Variants in BMP6 observed in about 807,000 individuals in gnomAD.
BMP6 encodes VG-1-R.
Under a neutral mutation model 54.1 loss-of-function variants are expected in BMP6, and 17 were observed. The ratio of observed to expected loss-of-function variants is 0.31; its 90% confidence interval spans 0.22 to 0.47. The LOEUF (loss-of-function observed/expected upper bound fraction) is 0.47. Among genes scored for constraint, BMP6 ranks in the 20% least tolerant of loss-of-function variants. BMP6 has a pLI of 1.00. For missense variants in BMP6, 720 were observed against 690.4 expected, an observed-to-expected ratio of 1.04 and a Z score of -0.48; for synonymous variants, 328 against 291.2, an observed-to-expected ratio of 1.13 and a Z score of -1.28.
rs374787856 is a variant in BMP6, at chr6:7,816,721, CTTTGT to C, written c.665-28414_665-28410del. ...TGATTAAAGTGCACAGCAGAGTATA[CTTTGT>C]TTTGGTAGTGATTGTTTTTTCTTCT... On this transcript the variant is annotated intron_variant, in intron 1 of 6. Transcript: ENST00000283147. 6.4e-3 allele frequency among the ~76,000 whole-genome samples: 973 copies of C among 152,116 alleles called. 5 individuals carry two copies. The highest frequency in any genetic ancestry group is 0.022 in the African/African-American group (919 of 41,494).
intron 1 of BMP6, among the ~76,000 whole-genome samples, chr6:7,728,402 C>T (rs368990575): frequency 3.3e-5 from 5 of 152,210 alleles, no homozygotes; most frequent in Non-Finnish European, 7.3e-5. Flanking sequence ...CGCTGAGCTC[C>T]TCTGAACCGG....
intron 2 of BMP6, among the ~76,000 whole-genome samples, chr6:7,848,829 GTGTTATAAATCAT>G (rs1183661406): frequency 1.3e-5 from 2 of 152,120 alleles, no homozygotes; most frequent in African/African-American, 4.8e-5. Context: ...TTAAAATTTG[GTGTTATAAATCAT>G]TGTGTCCTTG....
chr6:7,774,991 G>A (rs1387217749), intron 1 of BMP6, among the ~76,000 whole-genome samples: 2 of 152,192 alleles, frequency 1.3e-5, no homozygotes, highest in African/African-American at 4.8e-5. Flanking sequence ...CAGAGAGGAA[G>A]GGGGCTGAAC....
intron 1 of BMP6, among the ~76,000 whole-genome samples, chr6:7,777,962 C>T (rs1435096887): frequency 6.6e-6 from 1 of 152,102 alleles, no homozygotes; most frequent in East Asian, 1.9e-4. Flanking sequence ...GTTTTTCCCC[C>T]TTTCCCAAAA....
At chr6:7,814,242 T>G (rs997287757) in intron 1 of BMP6, among the ~76,000 whole-genome samples, 3 of 152,234 alleles carry the variant, frequency 2.0e-5, no homozygotes, top group African/African-American at 7.2e-5. Flanking sequence ...GTCAACTGAT[T>G]AGTAACCTTA....
rs546519552 is a variant in BMP6, at chr6:7,861,358, C to T, written c.858-93C>T. 153 of 1,494,606 alleles carry T rather than the reference C, an allele frequency of 1.0e-4. No homozygotes were observed. The African/African-American group carries it at 1.5e-3, about 15-fold the overall frequency. 92.6% of individuals were successfully genotyped at this position (1,494,606 alleles called of 1,614,324 possible). On this transcript the variant is annotated intron_variant, in intron 2 of 6. Coordinates refer to ENST00000283147, the MANE Select transcript of BMP6 (RefSeq NM_001718.6). ...CCTCACAGGTAGATGTGATCTGACT[C>T]GGGCATGTTTTATCCTGACGCTGAG...
intron 1 of BMP6, among the ~76,000 whole-genome samples, chr6:7,754,992 A>G (rs1003629158): frequency 6.6e-6 from 1 of 152,206 alleles, no homozygotes; most frequent in Non-Finnish European, 1.5e-5. Flanking sequence ...TGCTGGGATT[A>G]CAGGCGTGAG....
intron 1 of BMP6, among the ~76,000 whole-genome samples, chr6:7,759,188 A>G (rs1757569490): frequency 6.6e-6 from 1 of 151,880 alleles, no homozygotes; most frequent in South Asian, 2.1e-4. Flanking sequence ...TAAGTTCCTC[A>G]TTACCATATA....
chr6:7,764,076 G>A (rs1757650858), intron 1 of BMP6, among the ~76,000 whole-genome samples: 1 of 152,208 alleles, frequency 6.6e-6, no homozygotes, highest in East Asian at 1.9e-4. Flanking sequence ...GGGGAGAGTT[G>A]TTCCAGGGCT....
intron 1 of BMP6, among the ~76,000 whole-genome samples, chr6:7,751,521 T>C (rs1023279817): frequency 2.6e-5 from 4 of 152,206 alleles, no homozygotes; most frequent in South Asian, 2.1e-4. Flanking sequence ...TATTTCAGAG[T>C]ATATAATTGG....
chr6:7,861,527 G>A lies in BMP6; in HGVS notation c.934G>A (p.Ala312Thr), dbSNP rs771664465. ...AGGCTGGCTGGAATTTGACATCACG[G>A]CCACTAGCAATCTGTGGGTTGTGAC... ...EEGWLEFDIT[A>T]TSNLWVVTPQ... The change falls in exon 3 of 7, where the codon GCC (alanine) becomes ACC (threonine). Residue 312 changes from alanine (A) to threonine (T), a missense_variant. Around this residue, in one of 3 missense-constraint regions of BMP6, gnomAD observed 650 missense variants for 556.3 expected, o/e 1.17. Coordinates refer to ENST00000283147, the MANE Select transcript of BMP6 (RefSeq NM_001718.6). 1.9e-6 allele frequency: 3 copies of A among 1,614,074 alleles called. No individual in the cohort carries two copies. The highest frequency in any genetic ancestry group is 1.7e-6 in the Non-Finnish European group (2 of 1,180,036).
chr6:7,756,415 A>T (rs1262619787), intron 1 of BMP6, among the ~76,000 whole-genome samples: 1 of 152,052 alleles, frequency 6.6e-6, no homozygotes, highest in Non-Finnish European at 1.5e-5. Flanking sequence ...GCATATATTT[A>T]TGATTTATAA....
chr6:7,757,036 C>G (rs1306993177), intron 1 of BMP6, among the ~76,000 whole-genome samples: 1 of 152,164 alleles, frequency 6.6e-6, no homozygotes, highest in Non-Finnish European at 1.5e-5. Flanking sequence ...CTCTCTTTTC[C>G]AGTATTTAGC....
At chr6:7,735,821 G>T (rs1276260697) in intron 1 of BMP6, among the ~76,000 whole-genome samples, 3 of 152,200 alleles carry the variant, frequency 2.0e-5, no homozygotes, top group African/African-American at 7.2e-5. Context: ...TTGGACAAAT[G>T]TGTAATGATG....
intron 4 of BMP6, 89 bp from the exon 5 acceptor site, chr6:7,878,985 G>A: frequency 7.6e-7 from 1 of 1,318,200 alleles, no homozygotes; most frequent in East Asian, 2.3e-5. Context: ...CTAGCACAGA[G>A]CCTGGCATGT....
chr6:7,792,419 C>T (rs886958261), intron 1 of BMP6, among the ~76,000 whole-genome samples: 1 of 152,230 alleles, frequency 6.6e-6, no homozygotes, highest in Non-Finnish European at 1.5e-5. Flanking sequence ...TATTCCCACA[C>T]CACACATCTT....
Position 7,768,015 on chromosome 6 carries a change from C to T in BMP6, c.664+40396C>T, listed in dbSNP as rs574903972. 2.6e-5 allele frequency among the ~76,000 whole-genome samples: 4 copies of T among 152,026 alleles called. No individual in the cohort carries two copies. In the South Asian group the frequency reaches 8.3e-4, roughly 32 times the overall value. On this transcript the variant is annotated intron_variant, in intron 1 of 6. Transcript: ENST00000283147. The stretch of plus-strand genomic sequence containing the variant: ...TCAGTGGGTCTCAGGTTTTTTTCTC[C>T]CCGCTTGGGTGGGACAGGATGGCTG...
chr6:7,739,547 G>GT (rs1251390865), intron 1 of BMP6, among the ~76,000 whole-genome samples: 1 of 152,152 alleles, frequency 6.6e-6, no homozygotes, highest in Non-Finnish European at 1.5e-5. Flanking sequence ...TACTTTTACA[G>GT]TAAGAACTAG....
chr6:7,777,653 A>G lies in BMP6; in HGVS notation c.664+50034A>G, dbSNP rs1757880858. ...TTAAAACAAACACATAAACCAAATG[A>G]AGACCTCTATCTTTCCGGCATCACT... On this transcript the variant is annotated intron_variant, in intron 1 of 6. Coordinates refer to ENST00000283147, the MANE Select transcript of BMP6 (RefSeq NM_001718.6). Among the ~76,000 whole-genome samples, 4 of 151,304 alleles carry G rather than the reference A, an allele frequency of 2.6e-5. No individual in the cohort carries two copies. In the South Asian group the frequency reaches 8.4e-4, roughly 32 times the overall value.
Sources: gnomAD v4.1 joint callset for allele counts (sites outside exome capture counted in the v4.1 genomes callset) on GRCh38, gnomAD v4.1.1 for gene constraint, gnomAD v4.1.1 regional missense constraint, MANE v1.5 for transcripts, NCBI Gene and HGNC (gene_info 2026-07-23, HGNC 2026-07-21) for gene names.